Variants in PTPN12 observed in about 807,000 individuals in gnomAD.
The protein encoded by PTPN12 is protein tyrosine phosphatase non-receptor type 12, also known as tyrosine-protein phosphatase non-receptor type 12.
Under a neutral mutation model 97.6 loss-of-function variants are expected in PTPN12, and 29 were observed. The ratio of observed to expected loss-of-function variants is 0.30; its 90% confidence interval spans 0.22 to 0.41. The LOEUF (loss-of-function observed/expected upper bound fraction) is 0.41. Among genes scored for constraint, PTPN12 ranks in the 10% least tolerant of loss-of-function variants. The pLI is 1.00. For missense variants in PTPN12, 819 were observed against 926.0 expected (o/e 0.88, Z 1.50); for synonymous variants, 327 against 300.4 (o/e 1.09, Z -0.91).
At chr7:77,584,707 C>T (rs1412758751) in intron 4 of PTPN12, among the ~76,000 whole-genome samples, 1 of 152,038 alleles carries the variant, frequency 6.6e-6, no homozygotes, top group Non-Finnish European at 1.5e-5. Flanking sequence ...GAAACCCTGT[C>T]TCTACTAAAA....
chr7:77,563,562 C>G (rs1189160366), intron 1 of PTPN12, among the ~76,000 whole-genome samples: 2 of 152,132 alleles, frequency 1.3e-5, no homozygotes, highest in African/African-American at 4.8e-5. Flanking sequence ...CAGGGAGTTT[C>G]TTGGCAGACA....
At chr7:77,621,693 A>G (rs558553317) in intron 12 of PTPN12, among the ~76,000 whole-genome samples, 2 of 152,284 alleles carry the variant, frequency 1.3e-5, no homozygotes, top group Non-Finnish European at 2.9e-5. Context: ...ACATAAGCCA[A>G]TAACTATTTT....
chr7:77,568,541 GC>G (rs1808348275), intron 1 of PTPN12, among the ~76,000 whole-genome samples: 1 of 152,190 alleles, frequency 6.6e-6, no homozygotes. Flanking sequence ...CACTTTGGAG[GC>G]TGAGGCAGGA....
At chr7:77,567,609 A>G (rs1808315865) in intron 1 of PTPN12, among the ~76,000 whole-genome samples, 1 of 152,184 alleles carries the variant, frequency 6.6e-6, no homozygotes, top group African/African-American at 2.4e-5. Flanking sequence ...CTGAATCAGA[A>G]ACTACTGGGA....
rs1214546314 is a variant in PTPN12, at chr7:77,611,039, A to T, written c.932A>T (p.Asp311Val). ...YEIHGAQKIADGVNEINTENM... is the reference protein window; with the variant it reads ...YEIHGAQKIAVGVNEINTENM... Reference sequence around the variant, plus strand: ...ATTCATGGAGCTCAGAAAATTGCTGATGGAGTGGTAGGTGTTCTTGGTCTA... The same window carrying T: ...ATTCATGGAGCTCAGAAAATTGCTGTTGGAGTGGTAGGTGTTCTTGGTCTA... Residue 311 changes from aspartate (D) to valine (V), a missense_variant, in exon 11 of 18, where the codon GAT becomes GTT. Asp to Val is a radical substitution (Grantham distance 152). Transcript: ENST00000248594. 2 of 1,610,216 alleles carry T rather than the reference A, an allele frequency of 1.2e-6. No individual in the cohort carries two copies. Among genetic ancestry groups the T allele is most frequent in the South Asian group, 2.2e-5 (2 of 90,812 alleles).
chr7:77,563,590 A>G (rs1808090681), intron 1 of PTPN12, among the ~76,000 whole-genome samples: 1 of 152,236 alleles, frequency 6.6e-6, no homozygotes, highest in Admixed American at 6.5e-5. Flanking sequence ...GAATAAGTGA[A>G]GCATACATTT....
chr7:77,563,756 CTG>C (rs1808101430), intron 1 of PTPN12, among the ~76,000 whole-genome samples: 1 of 152,102 alleles, frequency 6.6e-6, no homozygotes, highest in Non-Finnish European at 1.5e-5. Context: ...GAGAATTAGT[CTG>C]TTAGGCAGCA....
chr7:77,542,872 A>G (rs896338996), intron 1 of PTPN12, among the ~76,000 whole-genome samples: 2 of 152,198 alleles, frequency 1.3e-5, no homozygotes, highest in African/African-American at 4.8e-5. Flanking sequence ...GGAGTTAAAG[A>G]TGTAGGCATC....
At chr7:77,607,019 A>G (rs1194428579) in intron 8 of PTPN12, 3 of 365,030 alleles carry the variant, frequency 8.2e-6, no homozygotes, top group East Asian at 5.0e-5. Flanking sequence ...ATAGGTATGT[A>G]CATATAGGAA....
At chr7:77,575,606 A>G (rs1370420231) in intron 2 of PTPN12, among the ~76,000 whole-genome samples, 1 of 152,246 alleles carries the variant, frequency 6.6e-6, no homozygotes, top group African/African-American at 2.4e-5. Context: ...GGTTTGAGGT[A>G]TAATTTACAT....
intron 1 of PTPN12, among the ~76,000 whole-genome samples, chr7:77,539,432 A>G (rs1396622625): frequency 6.6e-6 from 1 of 152,190 alleles, no homozygotes; most frequent in Non-Finnish European, 1.5e-5. Flanking sequence ...TGAAAGGGTT[A>G]AGGAAAACGG....
chr7:77,615,932 T>C (rs528421695), intron 11 of PTPN12, among the ~76,000 whole-genome samples: 1 of 152,352 alleles, frequency 6.6e-6, no homozygotes, highest in South Asian at 2.1e-4. Context: ...TGGCTCTTTA[T>C]CGAATTGCAG....
intron 8 of PTPN12, among the ~76,000 whole-genome samples, chr7:77,606,219 G>T (rs1282858143): frequency 2.0e-5 from 3 of 151,976 alleles, no homozygotes; most frequent in Non-Finnish European, 4.4e-5. Context: ...CTCCCAAAGT[G>T]CTGAGATTAC....
At chr7:77,637,582 CGT>C (rs1206663178) in intron 16 of PTPN12, among the ~76,000 whole-genome samples, 7 of 152,126 alleles carry the variant, frequency 4.6e-5, no homozygotes, top group Non-Finnish European at 8.8e-5. Context: ...TTAGGCCTGG[CGT>C]GGTGGCTCAC....
chr7:77,609,860 G>T (rs553027242), intron 9 of PTPN12, among the ~76,000 whole-genome samples: 2 of 149,002 alleles, frequency 1.3e-5, no homozygotes, highest in South Asian at 2.1e-4. Context: ...CAGCCTGGGC[G>T]ACAGAGCGAG....
chr7:77,637,866 A>AAAAC (rs1789653171), intron 16 of PTPN12, among the ~76,000 whole-genome samples: 1 of 151,008 alleles, frequency 6.6e-6, no homozygotes, highest in African/African-American at 2.4e-5. Context: ...TCAAAAAAAA[A>AAAAC]AAAAAAAAAA....
At chr7:77,540,041 A>T (rs1274483353) in intron 1 of PTPN12, among the ~76,000 whole-genome samples, 1 of 151,828 alleles carries the variant, frequency 6.6e-6, no homozygotes, top group Non-Finnish European at 1.5e-5. Flanking sequence ...GTCCCTGGTC[A>T]TTTCTTGTTT....
chr7:77,621,098 T>A (rs1268635101), intron 12 of PTPN12, among the ~76,000 whole-genome samples: 2 of 151,580 alleles, frequency 1.3e-5, no homozygotes, highest in Admixed American at 1.3e-4. Flanking sequence ...TATATTTCAT[T>A]TTTATTTATT....
intron 8 of PTPN12, among the ~76,000 whole-genome samples, chr7:77,605,945 C>CCTTT (rs1788357369): frequency 7.7e-5 from 4 of 51,894 alleles, no homozygotes; most frequent in Admixed American, 3.3e-4. Flanking sequence ...CAAGAGCCAT[C>CCTTT]TTTTTTTTTT....
Sources: gnomAD v4.1 joint callset for allele counts (sites outside exome capture counted in the v4.1 genomes callset) on GRCh38, gnomAD v4.1.1 for gene constraint, MANE v1.5 for transcripts, NCBI Gene and HGNC (gene_info 2026-07-23, HGNC 2026-07-21) for gene names.